Variants in TENM2 observed in about 807,000 individuals in gnomAD.
TENM2 encodes teneurin-2.
Under a neutral mutation model 245.2 loss-of-function variants are expected in TENM2, and 52 were observed. The observed-to-expected ratio is 0.21, with a 90% confidence interval of 0.17 to 0.27. The LOEUF is 0.27. TENM2 is among the 10% of genes least tolerant of loss of function. The pLI is 1.00. For missense variants in TENM2, 3,046 were observed against 3,666.8 expected (o/e 0.83, Z 4.37); for synonymous variants, 1,363 against 1,438.9 (o/e 0.95, Z 1.19).
chr5:167,944,631 T>G (rs1263842185), intron 3 of TENM2, among the ~76,000 whole-genome samples: 1 of 152,048 alleles, frequency 6.6e-6, no homozygotes, highest in African/African-American at 2.4e-5. Flanking sequence ...GGCACATCCA[T>G]AGGAACAGAG....
At chr5:167,187,443 A>G in the TENM2 span, among the ~76,000 whole-genome samples, 1 of 152,168 alleles carries the variant, frequency 6.6e-6, no homozygotes, top group Non-Finnish European at 1.5e-5. Context: ...TATATGAGAC[A>G]TTTGGTGATC....
the TENM2 span, among the ~76,000 whole-genome samples, chr5:167,061,034 G>A: frequency 1.3e-5 from 2 of 151,736 alleles, no homozygotes; most frequent in African/African-American, 4.8e-5. Context: ...TCTTCTATAT[G>A]TTAACATTGA....
the TENM2 span, among the ~76,000 whole-genome samples, chr5:167,255,157 C>T: frequency 1.3e-5 from 2 of 148,914 alleles, no homozygotes; most frequent in East Asian, 4.0e-4. Flanking sequence ...CAGTCAAAAA[C>T]TTAGTCCCTA....
intron 4 of TENM2, among the ~76,000 whole-genome samples, chr5:167,992,476 G>A (rs779219802): frequency 1.6e-4 from 24 of 152,020 alleles, no homozygotes; most frequent in African/African-American, 4.8e-4. Context: ...AATATTCCAC[G>A]GTGTATGTAT....
intron 2 of TENM2, among the ~76,000 whole-genome samples, chr5:167,875,255 G>T (rs1173654829): frequency 1.3e-5 from 2 of 152,180 alleles, no homozygotes; most frequent in African/African-American, 2.4e-5. Context: ...TGTTGGCAAG[G>T]TGTTGTAGTT....
intron 5 of TENM2, among the ~76,000 whole-genome samples, chr5:168,040,541 A>G (rs1253980324): frequency 6.6e-6 from 1 of 152,200 alleles, no homozygotes; most frequent in Non-Finnish European, 1.5e-5. Flanking sequence ...CACTCAGTGT[A>G]TTGCAACACT....
intron 5 of TENM2, among the ~76,000 whole-genome samples, chr5:168,022,935 C>A (rs1786288189): frequency 6.6e-6 from 1 of 152,148 alleles, no homozygotes; most frequent in South Asian, 2.1e-4. Context: ...CCTGCGCTAT[C>A]TAGGCAAGGG....
chr5:168,104,176 C>T (rs1794057327), intron 9 of TENM2, among the ~76,000 whole-genome samples: 1 of 152,094 alleles, frequency 6.6e-6, no homozygotes, highest in African/African-American at 2.4e-5. Flanking sequence ...ATTACCAGTG[C>T]ATACCACCAC....
chr5:167,108,024 T>G, the TENM2 span, among the ~76,000 whole-genome samples: 1 of 152,198 alleles, frequency 6.6e-6, no homozygotes, highest in African/African-American at 2.4e-5. Flanking sequence ...TCCTTTCCTC[T>G]CTCTTCACTT....
At chr5:167,029,143 G>T in the TENM2 span, among the ~76,000 whole-genome samples, 1 of 152,030 alleles carries the variant, frequency 6.6e-6, no homozygotes, top group African/African-American at 2.4e-5. Context: ...CATTTTAATT[G>T]TATGGCTTAT....
At chr5:167,154,300 G>T in the TENM2 span, among the ~76,000 whole-genome samples, 4 of 152,086 alleles carry the variant, frequency 2.6e-5, no homozygotes, top group Non-Finnish European at 5.9e-5. Context: ...TTTTTCATGG[G>T]CTGAAAATAT....
In TENM2 at chr5:168,147,661, G is replaced by A. The variant is rs144687329; in HGVS notation, c.2423-14950G>A. 5.2e-3 allele frequency among the ~76,000 whole-genome samples: 789 copies of A among 152,296 alleles called. 2 individuals are homozygous for A. The highest frequency in any genetic ancestry group is 7.7e-3 in the Non-Finnish European group (525 of 68,026). On this transcript the variant is annotated intron_variant, in intron 12 of 28. Coordinates refer to ENST00000518659, the Ensembl canonical transcript of TENM2. The stretch of plus-strand genomic sequence containing the variant: ...TGTGCAGCCAGGATTCTCATCCAAG[G>A]ATATTTTTGGTTCTGCGCTGTATTA...
rs10036317 is a variant in TENM2, at chr5:167,442,621, A to G, written c.502+67148A>G. On this transcript the variant is annotated intron_variant, in intron 2 of 28. Coordinates refer to ENST00000518659, the Ensembl canonical transcript of TENM2. ...CTTTTAACTAGTATTTCTTATTTCC[A>G]TTTTTATTTAAATATATAAAGTGGG... 7.2e-3 allele frequency among the ~76,000 whole-genome samples: 1,096 copies of G among 152,244 alleles called. 9 individuals carry two copies. Among genetic ancestry groups the G allele is most frequent in the African/African-American group, 0.025 (1,034 of 41,532 alleles).
At chr5:168,231,063 C>T (rs1764844186) in intron 25 of TENM2, 1 of 152,216 alleles carries the variant, frequency 6.6e-6, no homozygotes, top group African/African-American at 2.4e-5. Context: ...GTTGCTGCAG[C>T]AAGGGAAGAG....
chr5:168,229,659 G>A (rs1362378217), intron 25 of TENM2: 2 of 152,184 alleles, frequency 1.3e-5, no homozygotes, highest in Non-Finnish European at 2.9e-5. Context: ...GCCAAAGCTT[G>A]GGTTGTAACT....
At chr5:167,867,798 C>T (rs1772454933) in intron 2 of TENM2, among the ~76,000 whole-genome samples, 1 of 152,158 alleles carries the variant, frequency 6.6e-6, no homozygotes, top group South Asian at 2.1e-4. Context: ...ATAAAGGCCA[C>T]CCAACCCTCT....
chr5:168,248,377 G>A lies in TENM2; in HGVS notation c.7432+6G>A, dbSNP rs1460825832. 6.2e-7 allele frequency: 1 copy of A among 1,608,040 alleles called. No homozygotes were observed. The highest frequency in any genetic ancestry group is 8.5e-7 in the Non-Finnish European group (1 of 1,175,806). On this transcript the variant is annotated splice_donor_region_variant and intron_variant, in intron 27 of 28. Coordinates refer to ENST00000518659, the Ensembl canonical transcript of TENM2. ...TTTGAAGAACTACGTGACAGGTGAG[G>A]ATTCTGCCACCAAAGGTGGGCAGTG...
chr5:167,936,910 A>G (rs1778764142), intron 3 of TENM2, among the ~76,000 whole-genome samples: 1 of 152,140 alleles, frequency 6.6e-6, no homozygotes, highest in African/African-American at 2.4e-5. Flanking sequence ...TTTTGAAACT[A>G]ATTTCTTTCA....
intron 2 of TENM2, among the ~76,000 whole-genome samples, chr5:167,739,072 T>A (rs1760996071): frequency 6.6e-6 from 1 of 152,202 alleles, no homozygotes; most frequent in African/African-American, 2.4e-5. Flanking sequence ...ACATAAATAC[T>A]ACATTAAAAC....
Sources: gnomAD v4.1 joint callset for allele counts (sites outside exome capture counted in the v4.1 genomes callset) on GRCh38, gnomAD v4.1.1 for gene constraint, MANE v1.5 for transcripts, NCBI Gene and HGNC (gene_info 2026-07-23, HGNC 2026-07-21) for gene names.